The following NHS variants were observed in gnomAD, a reference collection of about 807,000 sequenced individuals.
NHS encodes actin remodeling regulator NHS.
Under a neutral mutation model 72.5 loss-of-function variants are expected in NHS, and 5 were observed. The observed-to-expected ratio is 0.07, with a 90% CI of 0.04 to 0.14. NHS has a LOEUF of 0.14. Among genes scored for constraint, NHS ranks in the 10% least tolerant of loss-of-function variants. NHS has a pLI of 1.00. For missense variants in NHS, 1,072 were observed against 1,355.7 expected (o/e 0.79, Z 3.29); for synonymous variants, 464 against 547.7 (o/e 0.85, Z 2.13).
chrX:17,470,346 A>T (rs1261554277), intron 1 of NHS, among the ~76,000 whole-genome samples: 1 of 111,101 alleles, frequency 9.0e-6, no homozygotes, highest in Non-Finnish European at 1.9e-5. Context: ...AAGGGCCTAC[A>T]TGAGCCATTA....
chrX:17,701,100 AT>A (rs1457971514), intron 3 of NHS, among the ~76,000 whole-genome samples: 18 of 112,042 alleles, frequency 1.6e-4, no homozygotes, highest in African/African-American at 5.8e-4. Context: ...TGCCACACAG[AT>A]TTGTAGCCTA....
chrX:17,423,521 C>T (rs896161180), intron 1 of NHS, among the ~76,000 whole-genome samples: 2 of 111,288 alleles, frequency 1.8e-5, no homozygotes, highest in Non-Finnish European at 3.8e-5. Context: ...TCTGTCTGCT[C>T]GGCTAGATCC....
chrX:17,385,652 C>T (rs1245720807), intron 1 of NHS, among the ~76,000 whole-genome samples: 2 of 111,851 alleles, frequency 1.8e-5, no homozygotes, highest in Non-Finnish European at 3.8e-5. Flanking sequence ...ATAATATTCC[C>T]CTGCACAAAC....
intron 1 of NHS, among the ~76,000 whole-genome samples, chrX:17,647,845 T>C (rs2065912951): frequency 9.0e-6 from 1 of 111,666 alleles, no homozygotes; most frequent in Admixed American, 9.5e-5. Flanking sequence ...AAGCCCAGGA[T>C]TGGAGGAGGA....
At chrX:17,534,481 G>C in intron 1 of NHS, among the ~76,000 whole-genome samples, 1 of 110,891 alleles carries the variant, frequency 9.0e-6, no homozygotes, top group Non-Finnish European at 1.9e-5. Context: ...TGTTTTGAAA[G>C]TTAGGGACAA....
chrX:17,547,129 A>G (rs1031923609), intron 1 of NHS, among the ~76,000 whole-genome samples: 2 of 111,886 alleles, frequency 1.8e-5, no homozygotes, highest in African/African-American at 6.5e-5. Flanking sequence ...ATTTTCCATG[A>G]TTCTGTGTGA....
intron 1 of NHS, among the ~76,000 whole-genome samples, chrX:17,668,088 T>TAAA (rs3077323): frequency 1.6e-5 from 1 of 63,644 alleles, no homozygotes. Flanking sequence ...CCCATCTCTC[T>TAAA]AAAAAAAAAA....
At chrX:17,629,477 T>A (rs1569296728) in intron 1 of NHS, among the ~76,000 whole-genome samples, 1 of 111,116 alleles carries the variant, frequency 9.0e-6, no homozygotes, top group Non-Finnish European at 1.9e-5. Flanking sequence ...CTATGTAAAC[T>A]CTTCTTGGTT....
intron 1 of NHS, among the ~76,000 whole-genome samples, chrX:17,488,143 G>T (rs183472985): frequency 7.3e-4 from 81 of 111,471 alleles, no homozygotes; most frequent in African/African-American, 2.4e-3. Context: ...TCCGCTACGG[G>T]TAGAGATTCC....
intron 1 of NHS, among the ~76,000 whole-genome samples, chrX:17,471,137 A>T (rs942542974): frequency 3.6e-5 from 4 of 112,292 alleles, no homozygotes; most frequent in African/African-American, 1.3e-4. Context: ...TTTCTTGATT[A>T]TTCTTGCCAA....
At chrX:17,618,372 G>A (rs763621954) in intron 1 of NHS, among the ~76,000 whole-genome samples, 1 of 111,821 alleles carries the variant, frequency 8.9e-6, no homozygotes, top group South Asian at 3.7e-4. Context: ...CCATTATTTT[G>A]TTCAGACAAA....
intron 2 of NHS, among the ~76,000 whole-genome samples, chrX:17,688,110 G>T (rs1361608238): frequency 8.9e-6 from 1 of 112,001 alleles, no homozygotes; most frequent in Non-Finnish European, 1.9e-5. Flanking sequence ...ATAATAAAGA[G>T]AAATTAAAAG....
chrX:17,431,415 A>G (rs1170384083), intron 1 of NHS, among the ~76,000 whole-genome samples: 4 of 111,811 alleles, frequency 3.6e-5, no homozygotes, highest in Non-Finnish European at 7.5e-5. Context: ...TGCCTTTCCT[A>G]GGTTTATTTC....
At chrX:17,683,616 C>A (rs2066142155) in intron 1 of NHS, among the ~76,000 whole-genome samples, 1 of 111,353 alleles carries the variant, frequency 9.0e-6, no homozygotes, top group Non-Finnish European at 1.9e-5. Context: ...TGTGCGGGTA[C>A]CATGATATTA....
At chrX:17,458,395 A>AT (rs1310955743) in intron 1 of NHS, among the ~76,000 whole-genome samples, 10 of 110,650 alleles carry the variant, frequency 9.0e-5, no homozygotes, top group Non-Finnish European at 1.7e-4. Flanking sequence ...CACCTGGCTA[A>AT]TTTTTTTATT....
At chrX:17,400,770 G>A (rs745606482) in intron 1 of NHS, among the ~76,000 whole-genome samples, 13 of 111,809 alleles carry the variant, frequency 1.2e-4, no homozygotes, top group African/African-American at 3.6e-4. Flanking sequence ...TCTTGCGTTC[G>A]CGGATCAGAA....
chrX:17,687,413 C>A (rs939825524), intron 1 of NHS: 4 of 277,699 alleles, frequency 1.4e-5, no homozygotes, highest in African/African-American at 2.7e-5. Flanking sequence ...ATCTCCACCC[C>A]CAAGCAGGCT....
At chrX:17,572,033 T>G (rs1321019869) in intron 1 of NHS, among the ~76,000 whole-genome samples, 3 of 111,973 alleles carry the variant, frequency 2.7e-5, no homozygotes, top group Non-Finnish European at 5.6e-5. Flanking sequence ...CTGAGAGACA[T>G]TTTGTTGTGA....
intron 1 of NHS, among the ~76,000 whole-genome samples, chrX:17,478,396 T>C (rs983025605): frequency 2.7e-5 from 3 of 112,183 alleles, no homozygotes; most frequent in African/African-American, 6.5e-5. Flanking sequence ...CCATTTTCGA[T>C]GTGCTTTATA....
Sources: gnomAD v4.1 joint callset for allele counts (sites outside exome capture counted in the v4.1 genomes callset) on GRCh38, gnomAD v4.1.1 for gene constraint, MANE v1.5 for transcripts, NCBI Gene and HGNC (gene_info 2026-07-23, HGNC 2026-07-21) for gene names.